Variants in DYSF observed in about 807,000 individuals in gnomAD.
The protein encoded by DYSF is dysferlin.
A neutral mutation model predicts 274.9 loss-of-function variants in DYSF; 212 were observed. That is an observed-to-expected ratio of 0.77 (90% CI 0.69 to 0.86). DYSF has a LOEUF of 0.86. DYSF is among the 40% of genes least tolerant of loss of function. DYSF has a pLI of 0.00. For missense variants in DYSF, 2,666 were observed against 2,783.2 expected, an observed-to-expected ratio of 0.96 and a Z score of 0.95; for synonymous variants, 1,091 against 1,078.7, an observed-to-expected ratio of 1.01 and a Z score of -0.22.
intron 22 of DYSF, 31 bp downstream of exon 22, chr2:71,556,102 C>T (rs768271030): frequency 5.7e-5 from 87 of 1,522,416 alleles, no homozygotes; most frequent in Non-Finnish European, 7.3e-5. Context: ...CTGGTGCCCA[C>T]CTCTCCTGGC....
Position 71,568,203 on chromosome 2 carries a change from G to A in DYSF, c.2729G>A (p.Gly910Glu), listed in dbSNP as rs201178528. ...AACGAGACTAAGTTGGCCCTTGTTGGGAACTGGGGCACAACGGGCCTCACC... is the reference window on the plus strand; with the variant it reads ...AACGAGACTAAGTTGGCCCTTGTTGAGAACTGGGGCACAACGGGCCTCACC... Reference protein sequence around the residue: ...YENETKLALVGNWGTTGLTYP... With the variant: ...YENETKLALVENWGTTGLTYP... Residue 910 changes from glycine (G) to glutamate (E), a missense_variant, in exon 26 of 56, where the codon GGG becomes GAG. Coordinates refer to ENST00000410020, the MANE Select transcript of DYSF (RefSeq NM_001130987.2). 58 of 1,614,106 alleles carry A rather than the reference G, an allele frequency of 3.6e-5. 1 individual carries two copies. The East Asian group carries it at 1.2e-3, about 35-fold the overall frequency.
At chr2:71,526,421 C>CGCGGGGGGGGGGGGGGGGGGGGTGGGG in intron 13 of DYSF, 75 bp downstream of exon 13, 2 of 272,074 alleles carry the variant, frequency 7.4e-6, no homozygotes, top group Non-Finnish European at 1.3e-5. Context: ...TGGGCGATGG[C>CGCGGGGGGGGGGGGGGGGGGGGTGGGG]GGGCGGGGTC....
At position 71,668,753 on chromosome 2, in the gene DYSF, G is replaced by A. The variant is rs886042879; in HGVS notation, c.5458-1G>A. ...GGAGAGAACGGACCCTGTCTCCGCA[G>A]GGGAAGCTGCAGATGTGGGTCGACC... On this transcript the variant is annotated splice_acceptor_variant, in intron 48 of 55. Coordinates refer to ENST00000410020, the MANE Select transcript of DYSF (RefSeq NM_001130987.2). LOFTEE classifies it high-confidence loss of function. The A allele has an allele frequency of 5.0e-6, 8 of 1,613,504 alleles. 1 individual carries two copies. The South Asian group carries it at 8.8e-5, about 18-fold the overall frequency.
At chr2:71,505,792 T>C (rs909025814) in intron 4 of DYSF, among the ~76,000 whole-genome samples, 5 of 152,182 alleles carry the variant, frequency 3.3e-5, no homozygotes, top group African/African-American at 1.2e-4. Context: ...TGTGGATACA[T>C]GGAGAAAACT....
At chr2:71,497,839 T>A (rs900848368) in intron 3 of DYSF, among the ~76,000 whole-genome samples, 2 of 152,232 alleles carry the variant, frequency 1.3e-5, no homozygotes, top group Non-Finnish European at 2.9e-5. Context: ...TATCTCTACA[T>A]GTGAGCGTGC....
chr2:71,569,799 C>G, intron 26 of DYSF, 21 bp from the exon 27 acceptor site: 1 of 1,605,508 alleles, frequency 6.2e-7, no homozygotes, highest in South Asian at 1.1e-5. Flanking sequence ...AGCAGAGACT[C>G]TGACCAGCCC....
At chr2:71,610,913 G>T in intron 36 of DYSF, 1 of 396,034 alleles carries the variant, frequency 2.5e-6, no homozygotes, top group Non-Finnish European at 4.8e-6. Context: ...GCACGCATAT[G>T]CTGTGTGCGT....
At chr2:71,507,107 C>T (rs1347809379) in intron 4 of DYSF, among the ~76,000 whole-genome samples, 3 of 152,174 alleles carry the variant, frequency 2.0e-5, no homozygotes, top group Non-Finnish European at 2.9e-5. Context: ...GCTCCCAAGC[C>T]CCAGTGCTGA....
intron 2 of DYSF, among the ~76,000 whole-genome samples, chr2:71,481,450 C>A (rs1193843046): frequency 1.3e-5 from 2 of 152,222 alleles, no homozygotes; most frequent in Non-Finnish European, 2.9e-5. Flanking sequence ...TCATGGGGGC[C>A]TAGCCAACAT....
At chr2:71,475,323 C>G (rs556663976) in intron 1 of DYSF, among the ~76,000 whole-genome samples, 1 of 152,214 alleles carries the variant, frequency 6.6e-6, no homozygotes, top group South Asian at 2.1e-4. Flanking sequence ...AGGACCCATT[C>G]ATTCAGCACC....
At chr2:71,593,941 A>C (rs146857849) in intron 32 of DYSF, among the ~76,000 whole-genome samples, 33 of 152,344 alleles carry the variant, frequency 2.2e-4, no homozygotes, top group Non-Finnish European at 3.4e-4. Flanking sequence ...GATAGACCAG[A>C]TGCCACGTCA....
At chr2:71,670,889 A>G (rs990045488) in intron 51 of DYSF, among the ~76,000 whole-genome samples, 1 of 152,084 alleles carries the variant, frequency 6.6e-6, no homozygotes, top group Non-Finnish European at 1.5e-5. Context: ...TTCCACCCTG[A>G]GGTGCTCTCC....
intron 29 of DYSF, among the ~76,000 whole-genome samples, chr2:71,572,356 G>GAA (rs2092543405): frequency 6.6e-6 from 1 of 151,512 alleles, no homozygotes; most frequent in East Asian, 1.9e-4. Flanking sequence ...ACCCAGCACA[G>GAA]ATCACACCCA....
At chr2:71,632,792 C>G (rs888296516) in intron 41 of DYSF, among the ~76,000 whole-genome samples, 5 of 152,134 alleles carry the variant, frequency 3.3e-5, no homozygotes, top group African/African-American at 9.7e-5. Context: ...AAGGATCTAT[C>G]TTAGACTCCT....
intron 29 of DYSF, among the ~76,000 whole-genome samples, chr2:71,573,401 C>T (rs1273900353): frequency 3.9e-5 from 6 of 152,196 alleles, no homozygotes. Context: ...TCACTGTGCT[C>T]CTGGCCCAGA....
intron 12 of DYSF, among the ~76,000 whole-genome samples, chr2:71,521,327 G>A (rs1292142969): frequency 6.6e-6 from 1 of 152,238 alleles, no homozygotes; most frequent in African/African-American, 2.4e-5. Flanking sequence ...TTGAGAGCAG[G>A]AGAGGTATCT....
intron 4 of DYSF, among the ~76,000 whole-genome samples, chr2:71,505,058 C>T (rs1472022986): frequency 2.0e-5 from 3 of 152,204 alleles, no homozygotes; most frequent in African/African-American, 7.2e-5. Context: ...GGTTGAGCCC[C>T]ACTAGCTGAG....
Position 71,551,046 on chromosome 2 carries a change from G to A in DYSF, c.1582G>A (p.Asp528Asn), listed in dbSNP as rs1483143445. Residue 528 changes from aspartate (D) to asparagine (N), a missense_variant, in exon 18 of 56, where the codon GAC (aspartate) becomes AAC (asparagine). By Grantham distance (23) the Asp-to-Asn change is conservative. Transcript: ENST00000410020. Reference protein sequence around the residue: ...SAPGGEIEVDDYLGFLPTFGP... With the variant: ...SAPGGEIEVDNYLGFLPTFGP... ...TTGCCACTTGTGTCTCCCAGTGGATGACTACCTGGGCTTCCTCCCCACTTT... is the reference window on the plus strand; with the variant it reads ...TTGCCACTTGTGTCTCCCAGTGGATAACTACCTGGGCTTCCTCCCCACTTT... The A allele has an allele frequency of 1.2e-6, 2 of 1,614,052 alleles. No individual in the cohort carries two copies. Among genetic ancestry groups the A allele is most frequent in the Non-Finnish European group, 1.7e-6 (2 of 1,179,930 alleles).
intron 29 of DYSF, among the ~76,000 whole-genome samples, chr2:71,571,123 CCACAGATCACACCCAGCGCATG>C (rs1473753555): frequency 8.1e-6 from 1 of 123,944 alleles, no homozygotes; most frequent in Non-Finnish European, 1.7e-5. Context: ...CAGATCACAC[CCACAGATCACACCCAGCGCATG>C]CACAGATCAC....
Sources: allele counts gnomAD v4.1 joint callset (sites outside exome capture counted in the v4.1 genomes callset), GRCh38; gene constraint gnomAD v4.1.1; transcripts MANE v1.5; gene names NCBI Gene and HGNC (gene_info 2026-07-23, HGNC 2026-07-21).